Variants in FSTL5 observed in about 807,000 individuals in gnomAD.
FSTL5 encodes follistatin-related protein 5.
In FSTL5, 62 loss-of-function variants were observed where a neutral mutation model predicts 89.1. That is an observed-to-expected ratio of 0.70 (90% confidence interval 0.57 to 0.86). The LOEUF is 0.86. Ranked by LOEUF, FSTL5 falls within the 40% of genes least tolerant of loss-of-function variation. FSTL5 has a pLI of 0.00. For missense variants in FSTL5, 1,057 were observed against 1,001.6 expected (o/e 1.06, Z -0.75); for synonymous variants, 383 against 346.2 (o/e 1.11, Z -1.18).
intron 8 of FSTL5, among the ~76,000 whole-genome samples, chr4:161,543,315 G>A (rs1470312185): frequency 6.6e-6 from 1 of 151,852 alleles, no homozygotes; most frequent in Non-Finnish European, 1.5e-5. Flanking sequence ...TGTATTCCTG[G>A]ATTGAAAGAA....
At chr4:161,528,391 C>T (rs1401519549) in intron 10 of FSTL5, among the ~76,000 whole-genome samples, 1 of 142,238 alleles carries the variant, frequency 7.0e-6, no homozygotes, top group Non-Finnish European at 1.5e-5. Context: ...GGATATAAAG[C>T]AAAAAAGGAG....
chr4:162,149,405 C>A (rs1300656545), intron 1 of FSTL5, among the ~76,000 whole-genome samples: 1 of 151,774 alleles, frequency 6.6e-6, no homozygotes, highest in Non-Finnish European at 1.5e-5. Flanking sequence ...GGTGTGGTGG[C>A]TCACAAGCCC....
intron 9 of FSTL5, among the ~76,000 whole-genome samples, chr4:161,539,995 A>C (rs1173399177): frequency 6.6e-6 from 1 of 151,546 alleles, no homozygotes; most frequent in African/African-American, 2.4e-5. Context: ...TCCTTCTTTA[A>C]ATGCTGTCTC....
chr4:161,420,150 G>A (rs1731930841), intron 15 of FSTL5, among the ~76,000 whole-genome samples: 1 of 152,194 alleles, frequency 6.6e-6, no homozygotes, highest in Non-Finnish European at 1.5e-5. Flanking sequence ...ATTTATTCCT[G>A]ATAGGACTAC....
chr4:161,665,866 A>T (rs1560778705), intron 6 of FSTL5, among the ~76,000 whole-genome samples: 1 of 151,996 alleles, frequency 6.6e-6, no homozygotes. Flanking sequence ...ACAGCAAAAA[A>T]ATAAAAAAGA....
At chr4:161,550,112 C>T (rs1188763584) in intron 8 of FSTL5, among the ~76,000 whole-genome samples, 1 of 151,756 alleles carries the variant, frequency 6.6e-6, no homozygotes, top group Admixed American at 6.6e-5. Context: ...GGAGGGTGTC[C>T]TCAGAAAGGC....
intron 7 of FSTL5, among the ~76,000 whole-genome samples, chr4:161,634,936 T>C (rs548839458): frequency 1.3e-5 from 2 of 152,216 alleles, no homozygotes; most frequent in Non-Finnish European, 2.9e-5. Context: ...ATTAGCTTGA[T>C]TGTGGTAATC....
chr4:161,578,252 TA>T (rs1158015962), intron 8 of FSTL5, among the ~76,000 whole-genome samples: 1 of 151,942 alleles, frequency 6.6e-6, no homozygotes, highest in Non-Finnish European at 1.5e-5. Flanking sequence ...AATGAAAGAA[TA>T]AGTAAGAATT....
At chr4:162,089,102 C>G (rs936808333) in intron 2 of FSTL5, among the ~76,000 whole-genome samples, 2 of 149,906 alleles carry the variant, frequency 1.3e-5, no homozygotes, top group African/African-American at 2.4e-5. Flanking sequence ...ATCTCTTTCC[C>G]TCTCTCTCTC....
At chr4:162,077,783 G>T (rs981356153) in intron 2 of FSTL5, among the ~76,000 whole-genome samples, 1 of 151,704 alleles carries the variant, frequency 6.6e-6, no homozygotes, top group Non-Finnish European at 1.5e-5. Context: ...TCTTTTGCTT[G>T]ATTTATTAAC....
chr4:161,813,501 T>G (rs951598069), intron 4 of FSTL5, among the ~76,000 whole-genome samples: 1 of 152,198 alleles, frequency 6.6e-6, no homozygotes, highest in African/African-American at 2.4e-5. Context: ...GAAACGATCA[T>G]GGAAAAGCTG....
chr4:161,860,376 C>T (rs1457598805), intron 4 of FSTL5, among the ~76,000 whole-genome samples: 1 of 152,174 alleles, frequency 6.6e-6, no homozygotes, highest in Admixed American at 6.5e-5. Flanking sequence ...TTAAGTTGAA[C>T]TGGTAATAAC....
chr4:161,672,046 A>C (rs1177051058), intron 6 of FSTL5, among the ~76,000 whole-genome samples: 1 of 152,140 alleles, frequency 6.6e-6, no homozygotes, highest in African/African-American at 2.4e-5. Flanking sequence ...GGAACATTTT[A>C]ATTCAAATGT....
intron 2 of FSTL5, among the ~76,000 whole-genome samples, chr4:162,103,561 T>C (rs1211688266): frequency 1.3e-5 from 2 of 152,186 alleles, no homozygotes; most frequent in Non-Finnish European, 2.9e-5. Flanking sequence ...ATCTCTCTGT[T>C]CAAGGATGCT....
At chr4:162,106,292 A>G (rs1731222933) in intron 2 of FSTL5, among the ~76,000 whole-genome samples, 1 of 152,198 alleles carries the variant, frequency 6.6e-6, no homozygotes, top group South Asian at 2.1e-4. Context: ...TAGAGATAAA[A>G]GCATTTTAAG....
chr4:161,670,237 T>C (rs1385803113), intron 6 of FSTL5, among the ~76,000 whole-genome samples: 1 of 152,184 alleles, frequency 6.6e-6, no homozygotes, highest in African/African-American at 2.4e-5. Context: ...CAGCGAATTT[T>C]CATTTGTCAG....
chr4:161,873,843 G>A (rs1385216285), intron 4 of FSTL5, among the ~76,000 whole-genome samples: 1 of 150,902 alleles, frequency 6.6e-6, no homozygotes, highest in South Asian at 2.1e-4. Flanking sequence ...CCACTTTTTT[G>A]CTCGTTCATT....
At chr4:161,666,630 G>C (rs528939600) in intron 6 of FSTL5, among the ~76,000 whole-genome samples, 185 of 152,178 alleles carry the variant, frequency 1.2e-3, no homozygotes, top group African/African-American at 4.3e-3. Flanking sequence ...AATTTTTTAA[G>C]ACACCTTTAA....
chr4:161,903,749 T>C (rs1371476566), intron 4 of FSTL5, among the ~76,000 whole-genome samples: 4 of 146,538 alleles, frequency 2.7e-5, no homozygotes, highest in African/African-American at 1.0e-4. Flanking sequence ...GGATATTATA[T>C]GAATTTTTCA....
Sources: gnomAD v4.1 joint callset for allele counts (sites outside exome capture counted in the v4.1 genomes callset) on GRCh38, gnomAD v4.1.1 for gene constraint, MANE v1.5 for transcripts, NCBI Gene and HGNC (gene_info 2026-07-23, HGNC 2026-07-21) for gene names.